The following NTNG1 variants were observed in gnomAD, a reference collection of about 807,000 sequenced individuals.
NTNG1 encodes the protein netrin G1.
Under a neutral mutation model 54.0 loss-of-function variants are expected in NTNG1, and 16 were observed. The ratio of observed to expected loss-of-function variants is 0.30; its 90% CI spans 0.20 to 0.45. The LOEUF (loss-of-function observed/expected upper bound fraction) is 0.45, where lower values mean the gene tolerates loss of function less well. NTNG1 is among the 20% of genes least tolerant of loss of function. The probability of loss-of-function intolerance (pLI) is 1.00; values close to 1 mark genes in which losing one functional copy is unlikely to be tolerated. For synonymous variants in NTNG1, 255 were observed against 263.1 expected (o/e 0.97, Z 0.30); for missense variants, 530 against 678.7 (o/e 0.78, Z 2.43).
At chr1:107,376,498 C>T (rs552513662) in intron 3 of NTNG1, among the ~76,000 whole-genome samples, 1 of 151,980 alleles carries the variant, frequency 6.6e-6, no homozygotes, top group East Asian at 1.9e-4. Context: ...AGAAAATTGT[C>T]CAGTGTTGTA....
chr1:107,318,217 T>C (rs1440446289), intron 2 of NTNG1, among the ~76,000 whole-genome samples: 1 of 152,148 alleles, frequency 6.6e-6, no homozygotes, highest in Non-Finnish European at 1.5e-5. Flanking sequence ...CACTTAGACC[T>C]GTCCCGCCTG....
chr1:107,456,921 G>A (rs1676990186), intron 7 of NTNG1, among the ~76,000 whole-genome samples: 1 of 152,202 alleles, frequency 6.6e-6, no homozygotes, highest in South Asian at 2.1e-4. Context: ...TATTTGGAGT[G>A]TTGTGTCATA....
chr1:107,421,163 T>TA, intron 5 of NTNG1: 1 of 1,538,992 alleles, frequency 6.5e-7, no homozygotes, highest in Non-Finnish European at 9.0e-7. Flanking sequence ...CTTGGATTCA[T>TA]ACAGTGATTT....
At chr1:107,195,392 C>T (rs373970898) in intron 2 of NTNG1, among the ~76,000 whole-genome samples, 70 of 152,086 alleles carry the variant, frequency 4.6e-4, no homozygotes, top group African/African-American at 1.6e-3. Context: ...GGTTGCCTTA[C>T]TCCTGCCTTT....
At chr1:107,230,954 T>C (rs1163035869) in intron 2 of NTNG1, among the ~76,000 whole-genome samples, 2 of 152,158 alleles carry the variant, frequency 1.3e-5, no homozygotes, top group Non-Finnish European at 2.9e-5. Flanking sequence ...TATCCATATA[T>C]TGAATTACAA....
intron 2 of NTNG1, among the ~76,000 whole-genome samples, chr1:107,269,957 A>C (rs111315964): frequency 1.1e-3 from 172 of 152,346 alleles, no homozygotes; most frequent in African/African-American, 4.1e-3. Context: ...TAGCTGGCTC[A>C]GTAATTTCTA....
intron 5 of NTNG1, among the ~76,000 whole-genome samples, chr1:107,411,429 T>C (rs1570903533): frequency 2.0e-5 from 3 of 152,144 alleles, no homozygotes; most frequent in Admixed American, 1.3e-4. Context: ...GGAGACCTGG[T>C]AAAAGTTGTT....
At chr1:107,470,041 C>A (rs1677880137) in intron 7 of NTNG1, among the ~76,000 whole-genome samples, 3 of 152,108 alleles carry the variant, frequency 2.0e-5, no homozygotes, top group African/African-American at 7.2e-5. Flanking sequence ...GGTTGCAGAT[C>A]CCTTTAGCTC....
intron 2 of NTNG1, among the ~76,000 whole-genome samples, chr1:107,320,034 C>T (rs1305426624): frequency 1.3e-5 from 2 of 151,910 alleles, no homozygotes; most frequent in African/African-American, 2.4e-5. Flanking sequence ...ATTCTGAAAG[C>T]GTATTAAGGA....
intron 3 of NTNG1, among the ~76,000 whole-genome samples, chr1:107,378,318 A>T (rs1008238078): frequency 5.3e-5 from 8 of 152,216 alleles, no homozygotes; most frequent in African/African-American, 1.9e-4. Flanking sequence ...GACTGATCGC[A>T]TAGCCAGGGA....
rs189020622 is a variant in NTNG1, at chr1:107,416,540, A to G, written c.1087+8832A>G. 3.5e-3 allele frequency among the ~76,000 whole-genome samples: 537 copies of G among 152,134 alleles called. 5 individuals carry two copies. The highest frequency in any genetic ancestry group is 0.012 in the African/African-American group (511 of 41,522). ...ACATATAAGAAGATCCATAAACTGG[A>G]ACCTCAGCACCCTGTGGGAAAAAAA... On this transcript the variant is annotated intron_variant, in intron 5 of 7. Coordinates refer to ENST00000370068, the MANE Select transcript of NTNG1 (RefSeq NM_001113226.3).
At chr1:107,140,441 C>G (rs1653569021), upstream of NTNG1, among the ~76,000 whole-genome samples, 1 of 151,984 alleles carries the variant, frequency 6.6e-6, no homozygotes, top group South Asian at 2.1e-4. Context: ...GGCGGGGAGT[C>G]CGGGAGCCGC....
intron 2 of NTNG1, among the ~76,000 whole-genome samples, chr1:107,288,300 G>C (rs1665339637): frequency 6.6e-6 from 1 of 152,112 alleles, no homozygotes; most frequent in Non-Finnish European, 1.5e-5. Flanking sequence ...ATAGGGTTTG[G>C]AGTTTCCATG....
rs112358163 is a variant in NTNG1 at position 107,212,151 on chromosome 1, A to G, written c.246+63312A>G. Among the ~76,000 whole-genome samples the G allele has an allele frequency of 5.1e-3, 780 of 152,294 alleles. 8 individuals carry two copies. The highest frequency in any genetic ancestry group is 0.018 in the African/African-American group (744 of 41,570). On this transcript the variant is annotated intron_variant, in intron 2 of 7. Coordinates refer to ENST00000370068, the MANE Select transcript of NTNG1 (RefSeq NM_001113226.3). ...AGGTGTAGGGGAGTTGGTCAGAACT[A>G]TAGAGCAAGTAGCCCCATTTGCTCT...
At chr1:107,313,628 C>T (rs1667158845) in intron 2 of NTNG1, among the ~76,000 whole-genome samples, 1 of 151,934 alleles carries the variant, frequency 6.6e-6, no homozygotes, top group East Asian at 1.9e-4. Context: ...TTTTAAGAAT[C>T]TAAAATAAGA....
chr1:107,340,946 G>A (rs551496870), intron 3 of NTNG1, among the ~76,000 whole-genome samples: 4 of 151,978 alleles, frequency 2.6e-5, no homozygotes, highest in Non-Finnish European at 5.9e-5. Flanking sequence ...AAACTAAGTA[G>A]TGGTTATTAC....
intron 2 of NTNG1, among the ~76,000 whole-genome samples, chr1:107,304,470 G>C (rs1342786006): frequency 6.6e-6 from 1 of 152,050 alleles, no homozygotes; most frequent in Non-Finnish European, 1.5e-5. Flanking sequence ...CTCCTACATG[G>C]TAGATTCAGG....
At chr1:107,210,466 G>A (rs539448557) in intron 2 of NTNG1, among the ~76,000 whole-genome samples, 19 of 152,288 alleles carry the variant, frequency 1.2e-4, no homozygotes, top group South Asian at 6.2e-4. Context: ...TGAAGGAGCC[G>A]TTCCACTGAG....
intron 7 of NTNG1, among the ~76,000 whole-genome samples, chr1:107,439,326 A>T (rs1354431730): frequency 1.4e-5 from 2 of 148,014 alleles, no homozygotes; most frequent in Non-Finnish European, 3.0e-5. Flanking sequence ...ATGTGTTGGG[A>T]GTAAGGGAAG....
Sources: gnomAD v4.1 joint callset for allele counts (sites outside exome capture counted in the v4.1 genomes callset) on GRCh38, gnomAD v4.1.1 for gene constraint, MANE v1.5 for transcripts, NCBI Gene and HGNC (gene_info 2026-07-23, HGNC 2026-07-21) for gene names.